The following CTNNA3 variants were observed in gnomAD, a reference collection of about 807,000 sequenced individuals.
CTNNA3 encodes catenin alpha-3.
A neutral mutation model predicts 95.7 loss-of-function variants in CTNNA3; 76 were observed. The observed-to-expected ratio is 0.79, with a 90% confidence interval of 0.66 to 0.96. The LOEUF (loss-of-function observed/expected upper bound fraction) is 0.96, where lower values mean the gene tolerates loss of function less well. Ranked by LOEUF, CTNNA3 falls within the 40% of genes least tolerant of loss-of-function variation. The pLI is 0.00. For synonymous variants in CTNNA3, 431 were observed against 374.4 expected (o/e 1.15, Z -1.74); for missense variants, 1,191 against 1,089.8 (o/e 1.09, Z -1.31).
intron 5 of CTNNA3, among the ~76,000 whole-genome samples, chr10:67,466,353 C>A (rs1198761243): frequency 6.6e-6 from 1 of 152,110 alleles, no homozygotes; most frequent in Non-Finnish European, 1.5e-5. Flanking sequence ...ATTAACCCAG[C>A]AATAGCTTTC....
intron 7 of CTNNA3, among the ~76,000 whole-genome samples, chr10:67,134,853 G>T (rs571855246): frequency 6.6e-6 from 1 of 152,142 alleles, no homozygotes; most frequent in East Asian, 1.9e-4. Flanking sequence ...AAGAAGGAGG[G>T]ATTTTTATAT....
chr10:66,376,217 A>C (rs1045555464), intron 12 of CTNNA3, among the ~76,000 whole-genome samples: 1 of 152,222 alleles, frequency 6.6e-6, no homozygotes, highest in Non-Finnish European at 1.5e-5. Flanking sequence ...TATAATTTGT[A>C]AGCCTTCACA....
intron 13 of CTNNA3, among the ~76,000 whole-genome samples, chr10:66,164,886 G>A (rs771473532): frequency 2.0e-4 from 31 of 152,044 alleles, no homozygotes; most frequent in Admixed American, 4.6e-4. Context: ...GTGATTTGCC[G>A]TTTTTTAAAT....
intron 13 of CTNNA3, among the ~76,000 whole-genome samples, chr10:66,204,862 C>A (rs1171252840): frequency 6.6e-6 from 1 of 152,082 alleles, no homozygotes; most frequent in Non-Finnish European, 1.5e-5. Context: ...ATGCATTTGA[C>A]AAATGAAGAA....
At chr10:66,729,951 A>C (rs966878375) in intron 9 of CTNNA3, among the ~76,000 whole-genome samples, 1 of 150,280 alleles carries the variant, frequency 6.7e-6, no homozygotes, top group South Asian at 2.1e-4. Flanking sequence ...AAAAATACAA[A>C]AAAAATTAGC....
intron 14 of CTNNA3, among the ~76,000 whole-genome samples, chr10:66,080,383 C>A (rs1036629860): frequency 2.6e-5 from 4 of 152,020 alleles, no homozygotes; most frequent in African/African-American, 9.7e-5. Flanking sequence ...AGTAACCCAA[C>A]ATTGTAAAAT....
chr10:66,781,467 C>A (rs1480460420), intron 7 of CTNNA3, among the ~76,000 whole-genome samples: 2 of 152,098 alleles, frequency 1.3e-5, no homozygotes, highest in East Asian at 3.9e-4. Context: ...AAAATGAAAT[C>A]TCTCCTTCTA....
intron 1 of CTNNA3, among the ~76,000 whole-genome samples, chr10:67,726,169 A>C (rs1306010946): frequency 9.4e-6 from 1 of 105,826 alleles, no homozygotes; most frequent in South Asian, 2.9e-4. Context: ...ATAATCTTAT[A>C]TAATAATATA....
At chr10:67,007,452 T>C (rs887871630) in intron 7 of CTNNA3, among the ~76,000 whole-genome samples, 9 of 152,094 alleles carry the variant, frequency 5.9e-5, no homozygotes, top group African/African-American at 1.9e-4. Context: ...TCATGATTTT[T>C]TTCATTTCTA....
At chr10:66,722,377 CAAA>C (rs34164580) in intron 9 of CTNNA3, among the ~76,000 whole-genome samples, 17 of 137,396 alleles carry the variant, frequency 1.2e-4, no homozygotes, top group Admixed American at 3.6e-4. Context: ...GACCCTGTCT[CAAA>C]AAAAAAAAAA....
chr10:66,135,171 C>T (rs901457579), intron 13 of CTNNA3, among the ~76,000 whole-genome samples: 3 of 152,072 alleles, frequency 2.0e-5, no homozygotes, highest in Non-Finnish European at 4.4e-5. Context: ...AAGAATGACA[C>T]CTCAATTGCA....
chr10:66,230,555 T>C (rs1351983480), intron 13 of CTNNA3, among the ~76,000 whole-genome samples: 2 of 152,060 alleles, frequency 1.3e-5, no homozygotes, highest in Non-Finnish European at 2.9e-5. Flanking sequence ...GGATGCCAGG[T>C]TGGTTGGTCC....
At chr10:66,484,372 A>G (rs1364422445) in intron 11 of CTNNA3, among the ~76,000 whole-genome samples, 1 of 152,050 alleles carries the variant, frequency 6.6e-6, no homozygotes, top group Non-Finnish European at 1.5e-5. Context: ...GCCAAAGAGG[A>G]TAAGTGAATG....
chr10:66,863,111 G>C (rs1172453587), intron 7 of CTNNA3, among the ~76,000 whole-genome samples: 1 of 150,710 alleles, frequency 6.6e-6, no homozygotes, highest in African/African-American at 2.4e-5. Context: ...GACTTTCTTG[G>C]GACTCCATCT....
intron 12 of CTNNA3, among the ~76,000 whole-genome samples, chr10:66,297,585 T>G (rs1054282777): frequency 1.3e-5 from 2 of 152,112 alleles, no homozygotes; most frequent in African/African-American, 4.8e-5. Context: ...ATTTATAGAG[T>G]CTCAAATATG....
intron 3 of CTNNA3, among the ~76,000 whole-genome samples, chr10:67,551,642 T>C (rs1187022844): frequency 2.6e-5 from 4 of 152,208 alleles, no homozygotes; most frequent in African/African-American, 9.6e-5. Flanking sequence ...CTAGACACTG[T>C]TGTGGGGTTG....
intron 11 of CTNNA3, among the ~76,000 whole-genome samples, chr10:66,380,084 T>C (rs887550049): frequency 5.9e-5 from 9 of 152,210 alleles, no homozygotes; most frequent in African/African-American, 2.2e-4. Flanking sequence ...CGACTATTTC[T>C]TTAAAACACA....
intron 13 of CTNNA3, among the ~76,000 whole-genome samples, chr10:66,253,257 A>G (rs1187935181): frequency 6.6e-6 from 1 of 152,192 alleles, no homozygotes; most frequent in Non-Finnish European, 1.5e-5. Context: ...TATCATTACC[A>G]CCAAGTGCAA....
chr10:66,639,116 C>T (rs947831968), intron 9 of CTNNA3, among the ~76,000 whole-genome samples: 1 of 151,996 alleles, frequency 6.6e-6, no homozygotes, highest in Non-Finnish European at 1.5e-5. Flanking sequence ...TGCTATAATG[C>T]AGTAAGTGTA....
Sources: gnomAD v4.1 joint callset for allele counts (sites outside exome capture counted in the v4.1 genomes callset) on GRCh38, gnomAD v4.1.1 for gene constraint, MANE v1.5 for transcripts, NCBI Gene and HGNC (gene_info 2026-07-23, HGNC 2026-07-21) for gene names.